Variants in ZNF804B observed in about 807,000 individuals in gnomAD.
ZNF804B encodes the protein zinc finger protein 804B.
ZNF804B carries 80 observed loss-of-function variants against 101.4 expected under a neutral mutation model. The ratio of observed to expected loss-of-function variants is 0.79; its 90% CI spans 0.66 to 0.95. The LOEUF (loss-of-function observed/expected upper bound fraction) is 0.95, where lower values mean the gene tolerates loss of function less well. Ranked by LOEUF, ZNF804B falls within the 40% of genes least tolerant of loss-of-function variation. The pLI, the probability that ZNF804B is intolerant of heterozygous loss-of-function variation, is 0.00. For missense variants in ZNF804B, 1,673 were observed against 1,561.9 expected (o/e 1.07, Z -1.20); for synonymous variants, 622 against 558.8 (o/e 1.11, Z -1.59).
intron 1 of ZNF804B, among the ~76,000 whole-genome samples, chr7:89,155,439 C>G (rs530882140): frequency 4.5e-4 from 68 of 152,282 alleles, no homozygotes; most frequent in African/African-American, 1.4e-3. Flanking sequence ...CTTACCATCT[C>G]TCTCACCTGG....
At chr7:89,184,596 A>G (rs557404345) in intron 1 of ZNF804B, among the ~76,000 whole-genome samples, 21 of 152,162 alleles carry the variant, frequency 1.4e-4, no homozygotes, top group Admixed American at 1.2e-3. Context: ...CTTTTATTTA[A>G]GGAATACTCA....
chr7:89,283,154 A>G (rs947966348), intron 2 of ZNF804B, among the ~76,000 whole-genome samples: 3 of 152,172 alleles, frequency 2.0e-5, no homozygotes, highest in Non-Finnish European at 4.4e-5. Flanking sequence ...ATAAATTAAC[A>G]ACAGAAGGTC....
chr7:88,959,337 T>A (rs76426171), intron 1 of ZNF804B, among the ~76,000 whole-genome samples: 1 of 151,396 alleles, frequency 6.6e-6, no homozygotes, highest in Non-Finnish European at 1.5e-5. Flanking sequence ...TAAATAAATA[T>A]GTGGGTCCAG....
intron 1 of ZNF804B, among the ~76,000 whole-genome samples, chr7:88,922,500 T>C (rs373039333): frequency 1.3e-5 from 2 of 152,142 alleles, no homozygotes; most frequent in South Asian, 4.1e-4. Context: ...ATAATTCATA[T>C]GTATAGACAT....
intron 1 of ZNF804B, among the ~76,000 whole-genome samples, chr7:88,789,848 T>C (rs1790353579): frequency 6.6e-6 from 1 of 152,158 alleles, no homozygotes; most frequent in Admixed American, 6.6e-5. Flanking sequence ...AGTCACTGGA[T>C]GTCAAATTCT....
At chr7:88,804,429 T>A (rs1367849489) in intron 1 of ZNF804B, among the ~76,000 whole-genome samples, 3 of 152,084 alleles carry the variant, frequency 2.0e-5, no homozygotes, top group Non-Finnish European at 2.9e-5. Context: ...ATTGTCAGCT[T>A]CTATACAGAG....
In ZNF804B at chr7:89,178,044, T is replaced by C. The variant is rs185793627; in HGVS notation, c.109-40111T>C. ...ATTTAATGACATTTTTGTCTCCTTT[T>C]TTGTTTGTTGTCTTGAAATTTATTT... On this transcript the variant is annotated intron_variant, in intron 1 of 3. Coordinates refer to ENST00000333190, the MANE Select transcript of ZNF804B (RefSeq NM_181646.5). Among the ~76,000 whole-genome samples, 263 of 152,306 alleles carry C rather than the reference T, an allele frequency of 1.7e-3. 2 individuals carry two copies. The highest frequency in any genetic ancestry group is 6.0e-3 in the African/African-American group (250 of 41,586).
chr7:89,295,416 T>A (rs1790366453), intron 2 of ZNF804B, among the ~76,000 whole-genome samples: 1 of 152,170 alleles, frequency 6.6e-6, no homozygotes, highest in African/African-American at 2.4e-5. Context: ...GTAATTTTTC[T>A]CACCATGAAG....
chr7:89,155,331 A>G (rs374461253), intron 1 of ZNF804B, among the ~76,000 whole-genome samples: 32 of 152,250 alleles, frequency 2.1e-4, no homozygotes, highest in African/African-American at 7.5e-4. Flanking sequence ...TGAATGTTCC[A>G]CTTTCGAACA....
intron 1 of ZNF804B, among the ~76,000 whole-genome samples, chr7:89,191,914 A>G (rs1788460125): frequency 6.6e-6 from 1 of 152,136 alleles, no homozygotes; most frequent in African/African-American, 2.4e-5. Flanking sequence ...TACTTTGCTT[A>G]CAGAAAGGTA....
intron 1 of ZNF804B, among the ~76,000 whole-genome samples, chr7:88,872,290 G>A (rs1290081297): frequency 2.0e-5 from 3 of 152,046 alleles, no homozygotes; most frequent in Non-Finnish European, 2.9e-5. Flanking sequence ...CCACGATCAT[G>A]CCTGTAATCT....
chr7:88,800,287 G>GA (rs558224190), intron 1 of ZNF804B, among the ~76,000 whole-genome samples: 46 of 149,744 alleles, frequency 3.1e-4, no homozygotes, highest in Admixed American at 5.3e-4. Context: ...CCCCCTCCAA[G>GA]AAAAAAAAAC....
At chr7:88,908,298 A>G (rs1792501059) in intron 1 of ZNF804B, among the ~76,000 whole-genome samples, 1 of 151,342 alleles carries the variant, frequency 6.6e-6, no homozygotes, top group South Asian at 2.1e-4. Context: ...TATGTGTTAT[A>G]CTCTGGTTGT....
intron 1 of ZNF804B, among the ~76,000 whole-genome samples, chr7:88,986,297 G>T (rs185795373): frequency 3.9e-5 from 6 of 152,132 alleles, no homozygotes; most frequent in Admixed American, 3.3e-4. Context: ...GATGACTGAT[G>T]ATTTGTTACT....
chr7:89,264,409 T>C (rs1005506160), intron 2 of ZNF804B, among the ~76,000 whole-genome samples: 8 of 152,356 alleles, frequency 5.3e-5, no homozygotes, highest in African/African-American at 1.9e-4. Flanking sequence ...GAGGCTAATA[T>C]GCCACTGAAA....
intron 1 of ZNF804B, among the ~76,000 whole-genome samples, chr7:88,986,455 T>C (rs914130279): frequency 6.6e-6 from 1 of 152,132 alleles, no homozygotes; most frequent in African/African-American, 2.4e-5. Flanking sequence ...ACAGAAAAGT[T>C]AATACAGTTT....
intron 1 of ZNF804B, among the ~76,000 whole-genome samples, chr7:88,931,839 A>G (rs1363840280): frequency 6.6e-6 from 1 of 151,854 alleles, no homozygotes; most frequent in African/African-American, 2.4e-5. Context: ...ACTTCAAAAC[A>G]CTTGTTCACA....
intron 1 of ZNF804B, among the ~76,000 whole-genome samples, chr7:88,878,712 G>A (rs1791988173): frequency 6.6e-6 from 1 of 152,076 alleles, no homozygotes; most frequent in Non-Finnish European, 1.5e-5. Flanking sequence ...TATGCTGAAG[G>A]CTGCTTTTAA....
At chr7:88,914,164 C>T (rs1270889998) in intron 1 of ZNF804B, among the ~76,000 whole-genome samples, 2 of 152,080 alleles carry the variant, frequency 1.3e-5, no homozygotes, top group Non-Finnish European at 2.9e-5. Flanking sequence ...TCAAACTCAG[C>T]ACGTCAGGTA....
Sources: allele counts gnomAD v4.1 joint callset (sites outside exome capture counted in the v4.1 genomes callset), GRCh38; gene constraint gnomAD v4.1.1; transcripts MANE v1.5; gene names NCBI Gene and HGNC (gene_info 2026-07-23, HGNC 2026-07-21).